Variants in ADGRG6 observed in about 807,000 individuals in gnomAD.
ADGRG6 encodes G-protein coupled receptor 126.
A neutral mutation model predicts 142.4 loss-of-function variants in ADGRG6; 84 were observed. The ratio of observed to expected loss-of-function variants is 0.59; its 90% CI spans 0.49 to 0.71. The LOEUF is 0.71. ADGRG6 is among the 30% of genes least tolerant of loss of function. The probability of loss-of-function intolerance (pLI) is 0.00; values close to 1 mark genes in which losing one functional copy is unlikely to be tolerated. For missense variants in ADGRG6, 1,367 were observed against 1,466.6 expected, an observed-to-expected ratio of 0.93 and a Z score of 1.11; for synonymous variants, 521 against 520.5, an observed-to-expected ratio of 1.00 and a Z score of -0.01.
chr6:142,383,025 G>A (rs1354656584), intron 5 of ADGRG6, among the ~76,000 whole-genome samples: 4 of 151,564 alleles, frequency 2.6e-5, no homozygotes, highest in Non-Finnish European at 5.9e-5. Flanking sequence ...TGATCTCCAT[G>A]TGGTTTTCAA....
intron 24 of ADGRG6, among the ~76,000 whole-genome samples, chr6:142,438,976 C>T (rs541854675): frequency 1.3e-3 from 192 of 152,184 alleles, no homozygotes; most frequent in African/African-American, 4.3e-3. Context: ...AAAATCCTGA[C>T]GACACCATGG....
chr6:142,443,296 C>T (rs1042090757), intron 24 of ADGRG6, 41 bp from the exon 25 acceptor site: 9 of 1,449,632 alleles, frequency 6.2e-6, no homozygotes, highest in Non-Finnish European at 8.6e-6. Flanking sequence ...GGCATGCCAC[C>T]AGCTCATCTT....
At chr6:142,369,081 T>C (rs944581869) in intron 3 of ADGRG6, among the ~76,000 whole-genome samples, 1 of 152,282 alleles carries the variant, frequency 6.6e-6, no homozygotes, top group Admixed American at 6.5e-5. Context: ...AAAACGATGT[T>C]TTATTATAGA....
intron 2 of ADGRG6, among the ~76,000 whole-genome samples, chr6:142,324,522 G>C (rs1162310234): frequency 1.3e-5 from 2 of 152,066 alleles, no homozygotes; most frequent in Non-Finnish European, 2.9e-5. Flanking sequence ...CTAATAAAGT[G>C]CTTTGCCATC....
chr6:142,320,527 C>T (rs780084092), intron 2 of ADGRG6, among the ~76,000 whole-genome samples: 1 of 152,090 alleles, frequency 6.6e-6, no homozygotes, highest in South Asian at 2.1e-4. Flanking sequence ...TGTTCCTTTA[C>T]AGTCAGAGAT....
At chr6:142,419,421 C>T (rs888622087) in intron 21 of ADGRG6, among the ~76,000 whole-genome samples, 6 of 152,116 alleles carry the variant, frequency 3.9e-5, no homozygotes, top group East Asian at 1.9e-4. Context: ...CTTTATAAAA[C>T]GATGTCATAC....
chr6:142,370,674 T>C lies in ADGRG6; in HGVS notation c.950T>C (p.Met317Thr), dbSNP rs771651812. The change falls in exon 4 of 25, where the codon ATG (methionine) becomes ACG (threonine). Residue 317 changes from methionine to threonine, a missense_variant. Met to Thr is a moderately conservative substitution (Grantham distance 81, BLOSUM62 -1). Around this residue, in one of 3 missense-constraint regions of ADGRG6, gnomAD observed 737 missense variants for 746.5 expected, o/e 0.99. Transcript: ENST00000367609. ...AACTTTCGACTTTGGAATTTTACCA[T>C]GAATGCCAAAATCCTCTCCAACCTC... ...IYNFRLWNFTMNAKILSNLSC... is the reference protein window; with the variant it reads ...IYNFRLWNFTTNAKILSNLSC... 5 of 1,613,810 alleles carry C rather than the reference T, an allele frequency of 3.1e-6. No individual in the cohort carries two copies. The highest frequency in any genetic ancestry group is 1.7e-5 in the Admixed American group (1 of 60,010).
chr6:142,431,132 G>A (rs979099605), intron 22 of ADGRG6, among the ~76,000 whole-genome samples: 6 of 151,560 alleles, frequency 4.0e-5, no homozygotes, highest in Non-Finnish European at 8.8e-5. Context: ...TCTCTGATTA[G>A]TGAAAGATGG....
At position 142,402,018 on chromosome 6, in the gene ADGRG6, G is replaced by T; in HGVS notation, c.1704G>T (p.Leu568Phe). ...RICFYNATNP[L>F]VTYWGPVDIS... is the part of the protein sequence containing the mutation. ...GTTTTTACAATGCTACCAACCCATT[G>T]GTAACCTACTGGGGACCTGTTGATA... Residue 568 changes from leucine to phenylalanine, a missense_variant, in exon 12 of 25, where the codon TTG becomes TTT. Coordinates refer to ENST00000367609, the MANE Select transcript of ADGRG6 (RefSeq NM_198569.3). 1 of 1,549,522 alleles carries T rather than the reference G, an allele frequency of 6.5e-7. No homozygotes were observed. The highest frequency in any genetic ancestry group is 2.3e-5 in the East Asian group (1 of 43,916).
At position 142,390,356 on chromosome 6, in the gene ADGRG6, G is replaced by A. The variant is rs1460517833; in HGVS notation, c.1308+13G>A. 2 of 1,512,616 alleles carry A rather than the reference G, an allele frequency of 1.3e-6. No homozygotes were observed. The highest frequency in any genetic ancestry group is 2.4e-5 in the South Asian group (2 of 83,804). The allele number at this position is 1,512,616 out of a possible 1,614,324, so 93.7% of individuals were successfully genotyped here. A position where few individuals can be genotyped will look rare whatever the true frequency, so the allele number is the denominator to read the frequency against. On this transcript the variant is annotated intron_variant, in intron 7 of 24. Transcript: ENST00000367609. ...GGTGGCAGAATGGGTAAGTGAGCTTGTAACTTTTCTTTTTTAAAAAAATTC... is the reference window on the plus strand; with the variant it reads ...GGTGGCAGAATGGGTAAGTGAGCTTATAACTTTTCTTTTTTAAAAAAATTC...
intron 9 of ADGRG6, 31 bp downstream of exon 9, chr6:142,393,989 A>G (rs1469487315): frequency 1.0e-5 from 14 of 1,351,942 alleles, no homozygotes; most frequent in Non-Finnish European, 1.5e-5. Flanking sequence ...AAAGAGTATA[A>G]CATTCTTTCT....
At chr6:142,441,054 G>T in intron 24 of ADGRG6, 1 of 590,358 alleles carries the variant, frequency 1.7e-6, no homozygotes, top group South Asian at 2.4e-5. Context: ...CGGCAAAATG[G>T]CTTGTTCTTT....
chr6:142,367,182 G>A (rs1162116013), intron 2 of ADGRG6, among the ~76,000 whole-genome samples: 1 of 152,078 alleles, frequency 6.6e-6, no homozygotes, highest in Non-Finnish European at 1.5e-5. Context: ...CTCTAGAGTA[G>A]AGATTCTTAA....
chr6:142,321,331 A>G (rs1011234961), intron 2 of ADGRG6, among the ~76,000 whole-genome samples: 3 of 151,130 alleles, frequency 2.0e-5, no homozygotes, highest in Non-Finnish European at 4.4e-5. Flanking sequence ...ACTATGATTT[A>G]ATAATTATAT....
chr6:142,309,443 T>A, intron 1 of ADGRG6, 101 bp from the exon 2 acceptor site: 1 of 686,988 alleles, frequency 1.5e-6, no homozygotes, highest in East Asian at 3.1e-5. Flanking sequence ...TGAAAAAGGT[T>A]TATTTTCCAG....
At chr6:142,416,994 T>C in intron 20 of ADGRG6, 1 of 439,974 alleles carries the variant, frequency 2.3e-6, no homozygotes, top group East Asian at 4.7e-5. Context: ...GGTTTAGTTT[T>C]CCAGTGAGTC....
At chr6:142,371,668 G>A (rs1781267573) in intron 4 of ADGRG6, among the ~76,000 whole-genome samples, 1 of 151,288 alleles carries the variant, frequency 6.6e-6, no homozygotes, top group African/African-American at 2.4e-5. Context: ...TGTGTTTTTA[G>A]TAGAGATGGG....
chr6:142,394,885 A>T (rs1466641676), intron 9 of ADGRG6, among the ~76,000 whole-genome samples: 1 of 152,094 alleles, frequency 6.6e-6, no homozygotes, highest in Non-Finnish European at 1.5e-5. Flanking sequence ...GTGAGATGTC[A>T]TATCTGGCCT....
At chr6:142,398,403 C>G (rs1487382889) in intron 10 of ADGRG6, among the ~76,000 whole-genome samples, 1 of 152,134 alleles carries the variant, frequency 6.6e-6, no homozygotes, top group Admixed American at 6.5e-5. Flanking sequence ...CCAGCCTGGG[C>G]AGCAGAATGA....
Sources: allele counts gnomAD v4.1 joint callset (sites outside exome capture counted in the v4.1 genomes callset), GRCh38; gene constraint gnomAD v4.1.1; regional missense constraint gnomAD v4.1.1; transcripts MANE v1.5; gene names NCBI Gene and HGNC (gene_info 2026-07-23, HGNC 2026-07-21).